TANGO6: variants seen among roughly 807,000 people sequenced by gnomAD.
TANGO6 encodes the protein transport and golgi organization 6 homolog, also known as transport and Golgi organization protein 6 homolog.
A neutral mutation model predicts 114.2 loss-of-function variants in TANGO6; 90 were observed. The ratio of observed to expected loss-of-function variants is 0.79; its 90% CI spans 0.66 to 0.94. TANGO6 has a LOEUF of 0.94. Among genes scored for constraint, TANGO6 ranks in the 40% least tolerant of loss-of-function variants. TANGO6 has a pLI of 0.00. For missense variants in TANGO6, 1,274 were observed against 1,315.3 expected, an observed-to-expected ratio of 0.97 and a Z score of 0.49; for synonymous variants, 477 against 509.8, an observed-to-expected ratio of 0.94 and a Z score of 0.87.
At chr16:68,907,406 G>T in intron 9 of TANGO6, 37 bp from the exon 10 acceptor site, 4 of 1,535,952 alleles carry the variant, frequency 2.6e-6, no homozygotes, top group Non-Finnish European at 3.5e-6. Flanking sequence ...TGTATCTCTG[G>T]TGACACTACC....
At position 68,878,272 on chromosome 16, in the gene TANGO6, A is replaced by G; in HGVS notation, c.1286A>G (p.Asn429Ser). ...PVLAPLHRCL[N>S]TAELSESDMV... ...TTAGCTCCTCTTCATCGATGTTTGAATACAGCAGGTAAAGGAGGAAGTGTG... is the reference window on the plus strand; with the variant it reads ...TTAGCTCCTCTTCATCGATGTTTGAGTACAGCAGGTAAAGGAGGAAGTGTG... The change falls in exon 6 of 18, where the codon AAT becomes AGT. Residue 429 changes from asparagine to serine, a missense_variant. Physicochemically the swap from Asn to Ser is conservative, Grantham distance 46 (BLOSUM62 1). Around this residue, in one of 5 missense-constraint regions of TANGO6, gnomAD observed 908 missense variants for 910.2 expected, o/e 1.00. Coordinates refer to ENST00000261778, the MANE Select transcript of TANGO6 (RefSeq NM_024562.2). 1 of 1,603,422 alleles carries G rather than the reference A, an allele frequency of 6.2e-7. No individual in the cohort carries two copies. The highest frequency in any genetic ancestry group is 8.5e-7 in the Non-Finnish European group (1 of 1,175,776).
rs1199698790 is a variant in TANGO6, at chr16:69,067,518, C to CAAAAAAAAAAAAAAAAAAA, written c.3109-15966_3109-15948dup. ...AGGCAACAAGAGCAAAACTCCATCT[C>CAAAAAAAAAAAAAAAAAAA]AAAAAAAAAAAAAAAAAAACGCTGG... On this transcript the variant is annotated intron_variant, in intron 17 of 17. Transcript: ENST00000261778. Among the ~76,000 whole-genome samples, 25 of 43,718 alleles carry CAAAAAAAAAAAAAAAAAAA rather than the reference C, an allele frequency of 5.7e-4. 2 individuals carry two copies. Among genetic ancestry groups the CAAAAAAAAAAAAAAAAAAA allele is most frequent in the African/African-American group, 8.9e-4 (9 of 10,166 alleles). 28.7% of individuals were successfully genotyped at this position (43,718 alleles called of 152,430 possible). A position where few individuals can be genotyped will look rare whatever the true frequency, so the allele number is the denominator to read the frequency against.
chr16:68,945,703 T>C (rs1963407506), intron 14 of TANGO6, among the ~76,000 whole-genome samples: 1 of 152,102 alleles, frequency 6.6e-6, no homozygotes, highest in South Asian at 2.1e-4. Flanking sequence ...TTTTTTTTTT[T>C]GAGATGGAGT....
Position 68,878,290 on chromosome 16 carries a change from G to A in TANGO6, c.1294+10G>A, listed in dbSNP as rs939096927. 3.7e-5 allele frequency: 59 copies of A among 1,584,482 alleles called. No homozygotes were observed. The highest frequency in any genetic ancestry group is 4.3e-5 in the Non-Finnish European group (50 of 1,166,572). On this transcript the variant is annotated intron_variant, in intron 6 of 17. Transcript: ENST00000261778. ...TGTTTGAATACAGCAGGTAAAGGAG[G>A]AAGTGTGGTGGCTGTGTGTGCCTCT...
chr16:68,902,798 A>G (rs184407750), intron 9 of TANGO6, among the ~76,000 whole-genome samples: 35 of 152,326 alleles, frequency 2.3e-4, no homozygotes, highest in African/African-American at 8.4e-4. Flanking sequence ...GGGCAGACAC[A>G]TGTTCACCCT....
In TANGO6 at chr16:69,074,281, A is replaced by G. The variant is rs189719882; in HGVS notation, c.3109-9204A>G. ...CCATTAGTGCTGTGTGTGTGTGTGT[A>G]TATATATATATATTACAGAAAAGGA... On this transcript the variant is annotated intron_variant, in intron 17 of 17. Coordinates refer to ENST00000261778, the MANE Select transcript of TANGO6 (RefSeq NM_024562.2). Among the ~76,000 whole-genome samples, 221 of 148,898 alleles carry G rather than the reference A, an allele frequency of 1.5e-3. 1 individual carries two copies. The highest frequency in any genetic ancestry group is 4.6e-3 in the African/African-American group (186 of 40,336).
chr16:68,908,401 A>G (rs555049691), intron 10 of TANGO6, among the ~76,000 whole-genome samples: 1 of 152,224 alleles, frequency 6.6e-6, no homozygotes, highest in Admixed American at 6.6e-5. Context: ...TACTTAAAAA[A>G]AGGTGGCTCA....
At chr16:69,069,191 G>A (rs1960262150) in intron 17 of TANGO6, among the ~76,000 whole-genome samples, 1 of 152,182 alleles carries the variant, frequency 6.6e-6, no homozygotes, top group Non-Finnish European at 1.5e-5. Flanking sequence ...CCTGCCTCCT[G>A]ACCATTAGGC....
chr16:69,083,763 C>G lies in TANGO6; in HGVS notation c.*102C>G. 1 of 1,326,090 alleles carries G rather than the reference C, an allele frequency of 7.5e-7. No individual in the cohort carries two copies. Among genetic ancestry groups the G allele is most frequent in the East Asian group, 2.5e-5 (1 of 39,772 alleles). 82.1% of individuals were successfully genotyped at this position (1,326,090 alleles called of 1,614,324 possible). A position where few individuals can be genotyped will look rare whatever the true frequency, so the allele number is the denominator to read the frequency against. ...CCTGCTGCCTCTTGAGTGCTGGCAG[C>G]ATGGCTGACCCTCGGGGTGGTTTTA... is the stretch of plus-strand genomic sequence containing the variant. On this transcript the variant is annotated 3_prime_UTR_variant, in exon 18 of 18. Transcript: ENST00000261778.
At chr16:68,858,041 G>C (rs902057657) in intron 1 of TANGO6, among the ~76,000 whole-genome samples, 1 of 151,458 alleles carries the variant, frequency 6.6e-6, no homozygotes, top group Non-Finnish European at 1.5e-5. Context: ...AACCATCTAG[G>C]CCTGAAATTT....
intron 17 of TANGO6, among the ~76,000 whole-genome samples, chr16:69,044,190 G>A (rs369250187): frequency 3.9e-5 from 6 of 152,130 alleles, no homozygotes; most frequent in African/African-American, 1.2e-4. Context: ...TCGGCCTCCC[G>A]AGTAGCTAGG....
At chr16:69,001,616 G>T (rs531419062) in intron 15 of TANGO6, among the ~76,000 whole-genome samples, 1 of 152,190 alleles carries the variant, frequency 6.6e-6, no homozygotes, top group South Asian at 2.1e-4. Context: ...GGCTAAATAA[G>T]CAGGCACAGT....
chr16:68,940,113 T>C (rs1413827300), intron 14 of TANGO6, among the ~76,000 whole-genome samples: 1 of 151,654 alleles, frequency 6.6e-6, no homozygotes, highest in East Asian at 1.9e-4. Context: ...CTTCTTTTCC[T>C]TCTTTCTTTT....
intron 1 of TANGO6, among the ~76,000 whole-genome samples, chr16:68,853,414 G>T (rs1024180869): frequency 2.6e-5 from 4 of 151,648 alleles, no homozygotes; most frequent in African/African-American, 9.7e-5. Flanking sequence ...ATCCCAGAAA[G>T]TTCCCTTCTG....
intron 4 of TANGO6, among the ~76,000 whole-genome samples, chr16:68,869,136 A>G (rs570038622): frequency 6.6e-6 from 1 of 152,230 alleles, no homozygotes; most frequent in African/African-American, 2.4e-5. Context: ...GCTTATCACT[A>G]ATCTTTTCTC....
intron 15 of TANGO6, among the ~76,000 whole-genome samples, chr16:68,974,665 A>G (rs966863858): frequency 6.6e-6 from 1 of 152,178 alleles, no homozygotes; most frequent in South Asian, 2.1e-4. Flanking sequence ...CATCTCAAAA[A>G]TAACAACAAC....
intron 17 of TANGO6, among the ~76,000 whole-genome samples, chr16:69,045,081 G>A (rs759440911): frequency 8.6e-5 from 13 of 151,580 alleles, no homozygotes; most frequent in East Asian, 5.8e-4. Flanking sequence ...TGTTTGAACC[G>A]GGAGGCAAAG....
chr16:69,001,694 A>G (rs1964045041), intron 15 of TANGO6, among the ~76,000 whole-genome samples: 1 of 152,238 alleles, frequency 6.6e-6, no homozygotes, highest in African/African-American at 2.4e-5. Flanking sequence ...ATTCCTAAAA[A>G]GAAAGGAACA....
intron 9 of TANGO6, among the ~76,000 whole-genome samples, chr16:68,906,765 C>A (rs1321337027): frequency 1.3e-5 from 2 of 151,472 alleles, no homozygotes; most frequent in South Asian, 2.1e-4. Flanking sequence ...CATGACCATG[C>A]AGGACATAAC....
Sources: gnomAD v4.1 joint callset for allele counts (sites outside exome capture counted in the v4.1 genomes callset) on GRCh38, gnomAD v4.1.1 for gene constraint, gnomAD v4.1.1 regional missense constraint, MANE v1.5 for transcripts, NCBI Gene and HGNC (gene_info 2026-07-23, HGNC 2026-07-21) for gene names.